TIAM1: variants seen among roughly 807,000 people sequenced by gnomAD.
TIAM1 encodes rho guanine nucleotide exchange factor TIAM1.
TIAM1 carries 65 observed loss-of-function variants against 163.5 expected under a neutral mutation model. That is an observed-to-expected ratio of 0.40 (90% CI 0.33 to 0.49). The LOEUF is 0.49. TIAM1 is among the 20% of genes least tolerant of loss of function. The pLI, the probability that TIAM1 is intolerant of heterozygous loss-of-function variation, is 0.77. For missense variants in TIAM1, 1,789 were observed against 2,044.7 expected (o/e 0.87, Z 2.41); for synonymous variants, 833 against 810.1 (o/e 1.03, Z -0.48).
chr21:31,354,978 T>C (rs2076291547), intron 2 of TIAM1, among the ~76,000 whole-genome samples: 1 of 152,144 alleles, frequency 6.6e-6, no homozygotes, highest in African/African-American at 2.4e-5. Context: ...TGATTCAGAC[T>C]TCTCACCCCT....
chr21:31,137,948 G>A (rs1025968953), intron 22 of TIAM1, among the ~76,000 whole-genome samples: 1 of 150,742 alleles, frequency 6.6e-6, no homozygotes, highest in Admixed American at 6.6e-5. Context: ...ACTGAAAATG[G>A]GCTGATGCTG....
At chr21:31,420,573 T>C (rs115535711) in intron 2 of TIAM1, among the ~76,000 whole-genome samples, 1,846 of 152,322 alleles carry the variant, frequency 0.012, 37 homozygotes, top group African/African-American at 0.042. Flanking sequence ...TTAGAATTCA[T>C]TGAATTGACC....
chr21:31,409,112 CTTTTTTT>C (rs200352360), intron 2 of TIAM1, among the ~76,000 whole-genome samples: 5 of 141,104 alleles, frequency 3.5e-5, no homozygotes, highest in African/African-American at 1.3e-4. Flanking sequence ...TTCTCCTTTT[CTTTTTTT>C]TTTTTTTTTG....
intron 8 of TIAM1, 53 bp downstream of exon 8, chr21:31,223,353 A>G: frequency 1.3e-6 from 2 of 1,532,922 alleles, no homozygotes; most frequent in Non-Finnish European, 1.8e-6. Flanking sequence ...AGTCCTGCTC[A>G]GGATTAAGCG....
chr21:31,172,572 G>C (rs2084565924), intron 15 of TIAM1, among the ~76,000 whole-genome samples: 1 of 152,116 alleles, frequency 6.6e-6, no homozygotes, highest in Admixed American at 6.6e-5. Flanking sequence ...TCCCAGTACT[G>C]AGCACACTGC....
At chr21:31,507,051 G>C (rs1368298542) in intron 1 of TIAM1, among the ~76,000 whole-genome samples, 2 of 152,078 alleles carry the variant, frequency 1.3e-5, no homozygotes, top group African/African-American at 4.8e-5. Context: ...ATGCTGTTAT[G>C]TGCGTGGGTA....
chr21:31,296,755 C>G (rs1315558896), intron 2 of TIAM1, among the ~76,000 whole-genome samples: 1 of 152,062 alleles, frequency 6.6e-6, no homozygotes, highest in Non-Finnish European at 1.5e-5. Flanking sequence ...CCTCTGCCTC[C>G]TGGGTTCAAG....
chr21:31,277,471 C>T (rs2073348272), intron 2 of TIAM1, among the ~76,000 whole-genome samples: 1 of 152,186 alleles, frequency 6.6e-6, no homozygotes. Context: ...CATGGTGAAA[C>T]CCCATCTTTA....
At chr21:31,452,432 A>AAAC (rs1220651368) in intron 2 of TIAM1, 2 of 387,626 alleles carry the variant, frequency 5.2e-6, no homozygotes, top group Non-Finnish European at 9.6e-6. Context: ...CCCTATTTCG[A>AAAC]AACAACAACA....
At chr21:31,185,863 A>G (rs2085279669) in intron 14 of TIAM1, among the ~76,000 whole-genome samples, 1 of 152,028 alleles carries the variant, frequency 6.6e-6, no homozygotes, top group Admixed American at 6.6e-5. Flanking sequence ...TGATACAGCC[A>G]TAAGCCACAG....
chr21:31,367,918 T>C lies in TIAM1; in HGVS notation c.-368-28496A>G, dbSNP rs142096745. On this transcript the variant is annotated intron_variant, in intron 2 of 28. Coordinates refer to the TIAM1 transcript ENST00000286827. The stretch of plus-strand genomic sequence containing the variant: ...TGTTTATCTTCCCTAAACTGCTTCA[T>C]GGACCACAAAAGAAGACCTAAAAAA... Among the ~76,000 whole-genome samples, 172 of 152,334 alleles carry C rather than the reference T, an allele frequency of 1.1e-3. 1 individual carries two copies. The highest frequency in any genetic ancestry group is 3.5e-3 in the African/African-American group (146 of 41,576).
At chr21:31,412,784 T>TGAA (rs1326377799) in intron 2 of TIAM1, among the ~76,000 whole-genome samples, 1 of 103,538 alleles carries the variant, frequency 9.7e-6, no homozygotes, top group Non-Finnish European at 2.0e-5. Context: ...TGTCTCAGGT[T>TGAA]AAAAAAAAAA....
intron 2 of TIAM1, among the ~76,000 whole-genome samples, chr21:31,293,070 C>G (rs1460470053): frequency 6.6e-6 from 1 of 152,170 alleles, no homozygotes; most frequent in African/African-American, 2.4e-5. Flanking sequence ...GTGATTTGCC[C>G]TTCTGGGCCT....
Position 31,225,737 on chromosome 21 carries a change from T to C in TIAM1, c.1798A>G (p.Ile600Val). Residue 600 changes from isoleucine to valine, a missense_variant, in exon 7 of 28, where the codon ATA becomes GTA. Coordinates refer to ENST00000541036, the MANE Select transcript of TIAM1 (RefSeq NM_001353694.2). ...GGAAGAACGATTACCTGATCTAATATTGTTTTCTTTTTCTTTGAGTCAGTG... is the reference window on the plus strand; with the variant it reads ...GGAAGAACGATTACCTGATCTAATACTGTTTTCTTTTTCTTTGAGTCAGTG... ...SVTDSKKKKTILDQIFVWEQN... is the reference protein window; with the variant it reads ...SVTDSKKKKTVLDQIFVWEQN... 6.2e-7 allele frequency: 1 copy of C among 1,611,886 alleles called. No individual in the cohort carries two copies. Among genetic ancestry groups the C allele is most frequent in the Non-Finnish European group, 8.5e-7 (1 of 1,179,906 alleles).
At position 31,118,558 on chromosome 21, in the gene TIAM1, C is replaced by A. The variant is rs1418608998; in HGVS notation, c.*1810G>T. 2.1e-6 allele frequency: 1 copy of A among 471,624 alleles called. No homozygotes were observed. The highest frequency in any genetic ancestry group is 4.4e-6 in the Non-Finnish European group (1 of 227,188). The allele number at this position is 471,624 out of a possible 1,614,324, so 29.2% of individuals were successfully genotyped here. Reference sequence around the variant, plus strand: ...CATAGACACGTCATGACCTTATGTACAAGAGACAATGGCACCCTCTCCAAG... The same window carrying A: ...CATAGACACGTCATGACCTTATGTAAAAGAGACAATGGCACCCTCTCCAAG... On this transcript the variant is annotated 3_prime_UTR_variant, in exon 28 of 28. Coordinates refer to ENST00000541036, the MANE Select transcript of TIAM1 (RefSeq NM_001353694.2).
Position 31,170,038 on chromosome 21 carries a change from A to G in TIAM1, c.2888-4973T>C, listed in dbSNP as rs147456196. 5.9e-3 allele frequency among the ~76,000 whole-genome samples: 893 copies of G among 152,316 alleles called. 12 individuals are homozygous for G. The highest frequency in any genetic ancestry group is 0.02 in the African/African-American group (839 of 41,570). ...CAAATTCAGCAAAACAAGATAATAG[A>G]AACAAATAAAAATACACAGATATTC... On this transcript the variant is annotated intron_variant, in intron 15 of 27. Transcript: ENST00000541036.
chr21:31,449,907 C>T (rs1481959666), intron 2 of TIAM1, among the ~76,000 whole-genome samples: 1 of 152,154 alleles, frequency 6.6e-6, no homozygotes, highest in Non-Finnish European at 1.5e-5. Context: ...CTGAATTAGG[C>T]AGAAAAGCAA....
chr21:31,386,554 A>G (rs531440718), intron 2 of TIAM1, among the ~76,000 whole-genome samples: 4 of 152,292 alleles, frequency 2.6e-5, no homozygotes, highest in Non-Finnish European at 5.9e-5. Context: ...TGGGCCGCTA[A>G]GACACCCATA....
At position 31,120,691 on chromosome 21, in the gene TIAM1, C is replaced by G. The variant is rs770988150; in HGVS notation, c.4453G>C (p.Glu1485Gln). Residue 1485 changes from glutamate (E) to glutamine (Q), a missense_variant, in exon 28 of 28, where the codon GAG becomes CAG. By Grantham distance (29) the Glu-to-Gln change is conservative. Coordinates refer to ENST00000541036, the MANE Select transcript of TIAM1 (RefSeq NM_001353694.2). This position sits in a 1 kb window ranked among gnomAD's most constrained non-coding sequence, Gnocchi z 4.2. The stretch of plus-strand genomic sequence containing the variant: ...TACTGAGCAAGATCAAACTGCTCCT[C>G]TACCCATCGGTCAGTGTCCCCACCA... ...PGGGDTDRWV[E>Q]EQFDLAQYEE... 6 of 1,613,990 alleles carry G rather than the reference C, an allele frequency of 3.7e-6. No homozygotes were observed. The highest frequency in any genetic ancestry group is 5.1e-6 in the Non-Finnish European group (6 of 1,180,048).
Sources: allele counts gnomAD v4.1 joint callset (sites outside exome capture counted in the v4.1 genomes callset), GRCh38; gene constraint gnomAD v4.1.1; non-coding constraint Gnocchi (gnomAD v3.1); transcripts MANE v1.5; gene names NCBI Gene and HGNC (gene_info 2026-07-23, HGNC 2026-07-21).